The following SLC16A6 variants were observed in gnomAD, a reference collection of about 807,000 sequenced individuals.
SLC16A6 encodes monocarboxylate transporter 7.
Under a neutral mutation model 33.8 loss-of-function variants are expected in SLC16A6, and 15 were observed. The ratio of observed to expected loss-of-function variants is 0.44; its 90% CI spans 0.30 to 0.68. The LOEUF (loss-of-function observed/expected upper bound fraction) is 0.68. Among genes scored for constraint, SLC16A6 ranks in the 30% least tolerant of loss-of-function variants. The pLI, the probability that SLC16A6 is intolerant of heterozygous loss-of-function variation, is 0.10. For missense variants in SLC16A6, 451 were observed against 661.5 expected (o/e 0.68, Z 3.49); for synonymous variants, 219 against 248.4 (o/e 0.88, Z 1.11).
intron 1 of SLC16A6, among the ~76,000 whole-genome samples, chr17:68,280,202 A>T (rs1311648076): frequency 2.1e-5 from 3 of 143,098 alleles, no homozygotes; most frequent in African/African-American, 5.3e-5. Context: ...AAAAAAAAAG[A>T]ATTATTTATA....
chr17:68,275,362 A>T (rs1405627002), intron 2 of SLC16A6, among the ~76,000 whole-genome samples: 2 of 152,174 alleles, frequency 1.3e-5, no homozygotes, highest in Non-Finnish European at 2.9e-5. Flanking sequence ...TTTTTGGGTT[A>T]GTCTATATGT....
intron 2 of SLC16A6, among the ~76,000 whole-genome samples, chr17:68,276,573 T>C (rs2145037538): frequency 6.6e-6 from 1 of 152,198 alleles, no homozygotes; most frequent in Non-Finnish European, 1.5e-5. Flanking sequence ...TGCAGCCTCC[T>C]GAGTAGCTGG....
At chr17:68,290,769 G>C (rs2075959245) in intron 1 of SLC16A6, among the ~76,000 whole-genome samples, 1 of 152,156 alleles carries the variant, frequency 6.6e-6, no homozygotes, top group South Asian at 2.1e-4. Context: ...CCGACGTCCC[G>C]GAGCCCCCAA....
rs1329683832 is a variant in SLC16A6 at position 68,275,090 on chromosome 17, C to CTTT, written c.233-1021_233-1020insAAA. On this transcript the variant is annotated intron_variant, in intron 2 of 5. Coordinates refer to ENST00000580666, the MANE Select transcript of SLC16A6 (RefSeq NM_004694.5). ...CCACCGCGCCCAGCCTAGTTAGTTT[C>CTTT]TTGACAGGATGAAAGAATGTGAATT... Among the ~76,000 whole-genome samples, 4 of 152,264 alleles carry CTTT rather than the reference C, an allele frequency of 2.6e-5. No homozygotes were observed. The East Asian group carries it at 7.7e-4, about 29-fold the overall frequency.
intron 1 of SLC16A6, among the ~76,000 whole-genome samples, chr17:68,279,001 G>A (rs1309583319): frequency 1.3e-5 from 2 of 152,004 alleles, no homozygotes; most frequent in Non-Finnish European, 2.9e-5. Context: ...TACAAATCTT[G>A]GTATTGTACA....
At chr17:68,279,272 A>G (rs909228441) in intron 1 of SLC16A6, among the ~76,000 whole-genome samples, 12 of 152,014 alleles carry the variant, frequency 7.9e-5, no homozygotes, top group African/African-American at 2.7e-4. Context: ...TTGAGATACC[A>G]TAAGCGTCTC....
chr17:68,286,526 A>C (rs1462131172), intron 1 of SLC16A6, among the ~76,000 whole-genome samples: 1 of 152,086 alleles, frequency 6.6e-6, no homozygotes, highest in Non-Finnish European at 1.5e-5. Context: ...TTTTTTTGAG[A>C]TGGAGTCTTG....
intron 2 of SLC16A6, among the ~76,000 whole-genome samples, chr17:68,277,006 G>A (rs2075545103): frequency 6.6e-6 from 1 of 152,128 alleles, no homozygotes; most frequent in South Asian, 2.1e-4. Context: ...GAATTCAGAA[G>A]GTCTCCTCAG....
At chr17:68,275,806 C>T (rs1187038740) in intron 2 of SLC16A6, among the ~76,000 whole-genome samples, 1 of 151,744 alleles carries the variant, frequency 6.6e-6, no homozygotes, top group Non-Finnish European at 1.5e-5. Flanking sequence ...ATAGCAAAAC[C>T]CCGTCTCTAC....
chr17:68,270,712 C>G (rs1555748171), intron 5 of SLC16A6, 127 bp downstream of exon 5: 1 of 797,256 alleles, frequency 1.3e-6, no homozygotes, highest in Non-Finnish European at 2.0e-6. Flanking sequence ...ATCTCTAATC[C>G]CTGGCAGCTC....
chr17:68,274,325 G>C lies in SLC16A6; in HGVS notation c.233-255C>G. ...TACAAAAAATACAAAAATTAGCCAG[G>C]CATGGTGGTGTGCACCTGTAGTCCC... On this transcript the variant is annotated intron_variant, in intron 2 of 5. Coordinates refer to ENST00000580666, the MANE Select transcript of SLC16A6 (RefSeq NM_004694.5). 6 of 316,240 alleles carry C rather than the reference G, an allele frequency of 1.9e-5. No individual in the cohort carries two copies. The South Asian group carries it at 2.7e-4, about 14-fold the overall frequency. The allele number at this position is 316,240 out of a possible 1,614,324, so 19.6% of individuals were successfully genotyped here. A position where few individuals can be genotyped will look rare whatever the true frequency, so the allele number is the denominator to read the frequency against.
chr17:68,271,329 G>C lies in SLC16A6; in HGVS notation c.831C>G (p.Ser277Arg). 2 of 1,614,180 alleles carry C rather than the reference G, an allele frequency of 1.2e-6. No individual in the cohort carries two copies. Among genetic ancestry groups the C allele is most frequent in the African/African-American group, 2.7e-5 (2 of 75,050 alleles). ...QVLVKTSPRP[S>R]EKKAPLLDFS... ...AGTCTAATAGCGGGGCTTTCTTTTC[G>C]CTTGGCCTGGGGCTGGTCTTCACCA... Residue 277 changes from serine (S) to arginine (R), a missense_variant, in exon 5 of 6, where the codon AGC becomes AGG. By Grantham distance (110) the Ser-to-Arg change is moderately radical. Around this residue, in one of 2 missense-constraint regions of SLC16A6, gnomAD observed 405 missense variants for 510.7 expected, o/e 0.79. Coordinates refer to ENST00000580666, the MANE Select transcript of SLC16A6 (RefSeq NM_004694.5). The surrounding 1 kb of genome is among the most constrained non-coding windows in gnomAD (Gnocchi z 5.3).
chr17:68,268,152 G>A lies in SLC16A6; in HGVS notation c.*944C>T, dbSNP rs573768409. The stretch of plus-strand genomic sequence containing the variant: ...TGAAAGTATTTTTACAAGATAAGAC[G>A]TATTCTGTGAGGCATTTAAAGGATT... On this transcript the variant is annotated 3_prime_UTR_variant, in exon 6 of 6. Coordinates refer to ENST00000580666, the MANE Select transcript of SLC16A6 (RefSeq NM_004694.5). 3.3e-5 allele frequency: 5 copies of A among 152,280 alleles called. No individual in the cohort carries two copies. Among genetic ancestry groups the A allele is most frequent in the Non-Finnish European group, 2.9e-5 (2 of 68,014 alleles). The allele number at this position is 152,280 out of a possible 1,614,324, so 9.4% of individuals were successfully genotyped here.
intron 3 of SLC16A6, 45 bp downstream of exon 3, chr17:68,273,882 A>C: frequency 6.3e-7 from 1 of 1,590,412 alleles, no homozygotes; most frequent in Non-Finnish European, 8.6e-7. Context: ...CTTGTTCTTC[A>C]AACTAAGTGT....
chr17:68,287,422 A>G (rs1555754643), intron 1 of SLC16A6, among the ~76,000 whole-genome samples: 1 of 151,848 alleles, frequency 6.6e-6, no homozygotes, highest in Non-Finnish European at 1.5e-5. Context: ...GGCCTCCCAA[A>G]GTGATAGTAT....
rs374285241 is a variant in SLC16A6, at chr17:68,274,010, C to G, written c.293G>C (p.Gly98Ala). The change falls in exon 3 of 6, where the codon GGG becomes GCG. Residue 98 changes from glycine to alanine, a missense_variant. Coordinates refer to ENST00000580666, the MANE Select transcript of SLC16A6 (RefSeq NM_004694.5). ...FGHRLVVMLGGLLVSTGMVAA... is the reference protein window; with the variant it reads ...FGHRLVVMLGALLVSTGMVAA... ...CACCATCCCGGTGCTGACAAGTAGC[C>G]CCCCCAACATCACTACCAGACGGTG... 1.2e-6 allele frequency: 2 copies of G among 1,614,044 alleles called. No individual in the cohort carries two copies. The highest frequency in any genetic ancestry group is 1.3e-5 in the African/African-American group (1 of 75,002).
Position 68,278,129 on chromosome 17 carries a change from T to C in SLC16A6, c.192A>G (p.Ser64=), listed in dbSNP as rs2075584335. 6.2e-7 allele frequency: 1 copy of C among 1,612,764 alleles called. No individual in the cohort carries two copies. The highest frequency in any genetic ancestry group is 1.1e-5 in the South Asian group (1 of 91,062). ...DSFNESNSRI[S]WIISICVFVL... ...CAAACACACAGATTGAGATTATCCA[T>C]GAGATCCTGCTATTGGATTCATTAA... The change falls in exon 2 of 6, where the codon TCA becomes TCG. Residue 64 remains serine (S), a synonymous_variant. Coordinates refer to ENST00000580666, the MANE Select transcript of SLC16A6 (RefSeq NM_004694.5).
chr17:68,287,845 T>TA (rs1425095593), intron 1 of SLC16A6, among the ~76,000 whole-genome samples: 2 of 152,104 alleles, frequency 1.3e-5, no homozygotes, highest in African/African-American at 2.4e-5. Context: ...GGTCTTTCCT[T>TA]AAAAAACCGA....
At chr17:68,276,381 A>G (rs1159086306) in intron 2 of SLC16A6, among the ~76,000 whole-genome samples, 1 of 152,224 alleles carries the variant, frequency 6.6e-6, no homozygotes, top group African/African-American at 2.4e-5. Context: ...AACTTCAGAG[A>G]TAACAGTTCC....
Sources: gnomAD v4.1 joint callset for allele counts (sites outside exome capture counted in the v4.1 genomes callset) on GRCh38, gnomAD v4.1.1 for gene constraint, gnomAD v4.1.1 regional missense constraint, Gnocchi (gnomAD v3.1) non-coding constraint, MANE v1.5 for transcripts, NCBI Gene and HGNC (gene_info 2026-07-23, HGNC 2026-07-21) for gene names.